DIP2C: variants seen among roughly 807,000 people sequenced by gnomAD.
DIP2C encodes the protein disco-interacting protein 2 homolog C.
DIP2C carries 33 observed loss-of-function variants against 192.4 expected under a neutral mutation model. The ratio of observed to expected loss-of-function variants is 0.17; its 90% CI spans 0.13 to 0.23. The LOEUF (loss-of-function observed/expected upper bound fraction) is 0.23. Ranked by LOEUF, DIP2C falls within the 10% of genes least tolerant of loss-of-function variation. The probability of loss-of-function intolerance (pLI) is 1.00; values close to 1 mark genes in which losing one functional copy is unlikely to be tolerated. For synonymous variants in DIP2C, 979 were observed against 864.1 expected (o/e 1.13, Z -2.33); for missense variants, 1,537 against 2,110.1 (o/e 0.73, Z 5.32).
intron 3 of DIP2C, among the ~76,000 whole-genome samples, chr10:464,912 A>C (rs977958811): frequency 2.3e-4 from 35 of 151,120 alleles, no homozygotes; most frequent in Non-Finnish European, 1.0e-4. Flanking sequence ...ACCAACCAAA[A>C]AGAGTCCAGG....
At chr10:369,869 G>T in intron 17 of DIP2C, 1 of 1,373,620 alleles carries the variant, frequency 7.3e-7, no homozygotes, top group Non-Finnish European at 9.6e-7. Flanking sequence ...AAGAACACCC[G>T]TAAACTACCA....
At chr10:464,806 C>T (rs938981134) in intron 3 of DIP2C, among the ~76,000 whole-genome samples, 2 of 152,002 alleles carry the variant, frequency 1.3e-5, no homozygotes, top group African/African-American at 4.8e-5. Context: ...ATACATTCCT[C>T]GACACATACT....
In DIP2C at chr10:378,077, C is replaced by T. The variant is rs537275388; in HGVS notation, c.1991+4570G>A. 5.3e-5 allele frequency among the ~76,000 whole-genome samples: 8 copies of T among 152,230 alleles called. No homozygotes were observed. In the East Asian group the frequency reaches 5.8e-4, roughly 11 times the overall value. On this transcript the variant is annotated intron_variant, in intron 17 of 36. Coordinates refer to ENST00000280886, the MANE Select transcript of DIP2C (RefSeq NM_014974.3). ...AGCCAGGAAACAGTTTCCTGGTTTT[C>T]GCCTTGCAATTTGTCCTTTAAAAAA...
Position 369,741 on chromosome 10 carries a change from C to T in DIP2C, c.1992-108G>A. 3 of 1,571,654 alleles carry T rather than the reference C, an allele frequency of 1.9e-6. 1 individual carries two copies. The highest frequency in any genetic ancestry group is 1.3e-5 in the African/African-American group (1 of 74,366). On this transcript the variant is annotated intron_variant, in intron 17 of 36. Coordinates refer to ENST00000280886, the MANE Select transcript of DIP2C (RefSeq NM_014974.3). ...AGGCTGGGCACCTCTGGGCACAGTGCTGGCACCCCAGGCACAGTGCTGGCT... is the reference window on the plus strand; with the variant it reads ...AGGCTGGGCACCTCTGGGCACAGTGTTGGCACCCCAGGCACAGTGCTGGCT...
At chr10:391,239 G>GA (rs888939864) in intron 10 of DIP2C, among the ~76,000 whole-genome samples, 26 of 152,284 alleles carry the variant, frequency 1.7e-4, no homozygotes, top group Middle Eastern at 3.4e-3. Flanking sequence ...GACAGGGCCT[G>GA]AAAAAACACT....
chr10:353,134 C>G (rs1182937650), intron 24 of DIP2C, among the ~76,000 whole-genome samples: 1 of 151,588 alleles, frequency 6.6e-6, no homozygotes, highest in South Asian at 2.1e-4. Flanking sequence ...TGGCTTTTCC[C>G]CCACAGAAGT....
chr10:476,580 C>T (rs1221137620), intron 2 of DIP2C, among the ~76,000 whole-genome samples: 1 of 152,172 alleles, frequency 6.6e-6, no homozygotes, highest in Admixed American at 6.5e-5. Context: ...GTGCGAGCGG[C>T]CCGGTGTCAC....
Position 277,201 on chromosome 10 carries a change from C to G in DIP2C, c.*124G>C. 7.0e-7 allele frequency: 1 copy of G among 1,424,198 alleles called. No individual in the cohort carries two copies. Among genetic ancestry groups the G allele is most frequent in the Non-Finnish European group, 9.5e-7 (1 of 1,057,040 alleles). 88.2% of individuals were successfully genotyped at this position (1,424,198 alleles called of 1,614,324 possible). A position where few individuals can be genotyped will look rare whatever the true frequency, so the allele number is the denominator to read the frequency against. On this transcript the variant is annotated 3_prime_UTR_variant, in exon 37 of 37. Transcript: ENST00000280886. Reference sequence around the variant, plus strand: ...AGAAGTCCTCTTCCTCCTCCTCTTCCTCCTCCACTCTCACCACAAATGGCT... The same window carrying G: ...AGAAGTCCTCTTCCTCCTCCTCTTCGTCCTCCACTCTCACCACAAATGGCT...
intron 31 of DIP2C, among the ~76,000 whole-genome samples, chr10:325,219 C>G (rs896151788): frequency 6.6e-6 from 1 of 151,836 alleles, no homozygotes; most frequent in Non-Finnish European, 1.5e-5. Flanking sequence ...GAGCCCAGAT[C>G]ACGGCAATGC....
At chr10:454,662 A>G (rs766383320) in intron 3 of DIP2C, among the ~76,000 whole-genome samples, 1 of 148,130 alleles carries the variant, frequency 6.8e-6, no homozygotes, top group Non-Finnish European at 1.5e-5. Context: ...CAAATGCACC[A>G]TCTATGCTTG....
intron 4 of DIP2C, among the ~76,000 whole-genome samples, chr10:439,835 T>C (rs1336771991): frequency 6.6e-6 from 1 of 152,124 alleles, no homozygotes; most frequent in Non-Finnish European, 1.5e-5. Flanking sequence ...AAAGTAAAAA[T>C]ACTCCCAAAA....
In DIP2C at chr10:537,952, G is replaced by A. The variant is rs144098027; in HGVS notation, c.86-51422C>T. 5.5e-4 allele frequency among the ~76,000 whole-genome samples: 83 copies of A among 152,170 alleles called. No individual in the cohort carries two copies. The East Asian group carries it at 0.012, about 23-fold the overall frequency. On this transcript the variant is annotated intron_variant, in intron 1 of 36. Transcript: ENST00000280886. The stretch of plus-strand genomic sequence containing the variant: ...TTACAGGCACGCGCCACCATGCCTG[G>A]CTATTTTTTGTATTTTTGGTAGAGA...
At chr10:600,419 G>A (rs780653359) in intron 1 of DIP2C, among the ~76,000 whole-genome samples, 3 of 138,436 alleles carry the variant, frequency 2.2e-5, no homozygotes, top group East Asian at 2.7e-4. Flanking sequence ...CAAGTGGGAC[G>A]GCCACGACAG....
rs1460903891 is a variant in DIP2C, at chr10:276,940, T to C, written c.*385A>G. ...CAATTCTTTGTCACACTACATAAAT[T>C]GTTTAAAAGAACCCATCTGGAGGGC... On this transcript the variant is annotated 3_prime_UTR_variant, in exon 37 of 37. Transcript: ENST00000280886. 5.3e-6 allele frequency: 1 copy of C among 189,114 alleles called. No individual in the cohort carries two copies. The highest frequency in any genetic ancestry group is 5.3e-5 in the Admixed American group (1 of 18,790). 11.7% of individuals were successfully genotyped at this position (189,114 alleles called of 1,614,324 possible). A position where few individuals can be genotyped will look rare whatever the true frequency, so the allele number is the denominator to read the frequency against.
At chr10:590,505 A>G (rs1416198238) in intron 1 of DIP2C, among the ~76,000 whole-genome samples, 2 of 152,210 alleles carry the variant, frequency 1.3e-5, no homozygotes, top group Admixed American at 6.5e-5. Context: ...GCATATCGAC[A>G]TGTTCCTTTA....
chr10:504,991 T>C (rs1244774384), intron 1 of DIP2C, among the ~76,000 whole-genome samples: 2 of 152,150 alleles, frequency 1.3e-5, no homozygotes, highest in Non-Finnish European at 2.9e-5. Context: ...CATTCATTCA[T>C]TCATTCAGCA....
chr10:463,661 C>T (rs901529423), intron 3 of DIP2C, among the ~76,000 whole-genome samples: 1 of 152,004 alleles, frequency 6.6e-6, no homozygotes, highest in Non-Finnish European at 1.5e-5. Context: ...CATATGGAAC[C>T]AAAAAACAGA....
chr10:506,211 C>T (rs1211413809), intron 1 of DIP2C, among the ~76,000 whole-genome samples: 1 of 152,158 alleles, frequency 6.6e-6, no homozygotes, highest in Non-Finnish European at 1.5e-5. Flanking sequence ...GCCTGGAGAC[C>T]ACCAGCCCAG....
At chr10:321,150 A>G (rs1956989152) in intron 31 of DIP2C, among the ~76,000 whole-genome samples, 2 of 152,190 alleles carry the variant, frequency 1.3e-5, no homozygotes, top group African/African-American at 4.8e-5. Context: ...CAAACACCCA[A>G]TGTGTCTCTG....
Sources: gnomAD v4.1 joint callset for allele counts (sites outside exome capture counted in the v4.1 genomes callset) on GRCh38, gnomAD v4.1.1 for gene constraint, MANE v1.5 for transcripts, NCBI Gene and HGNC (gene_info 2026-07-23, HGNC 2026-07-21) for gene names.